ATR: variants seen among roughly 807,000 people sequenced by gnomAD.
ATR encodes the protein ATR checkpoint kinase, also known as serine/threonine-protein kinase ATR.
Under a neutral mutation model 305.3 loss-of-function variants are expected in ATR, and 142 were observed. That is an observed-to-expected ratio of 0.47 (90% CI 0.41 to 0.53). ATR has a LOEUF of 0.53. ATR is among the 20% of genes least tolerant of loss of function. ATR has a pLI of 0.00. For missense variants in ATR, 2,135 were observed against 3,133.1 expected, an observed-to-expected ratio of 0.68 and a Z score of 7.60; for synonymous variants, 1,050 against 1,068.1, an observed-to-expected ratio of 0.98 and a Z score of 0.33.
chr3:142,515,458 TAAGTA>T lies in ATR; in HGVS notation c.4435_4439del (p.Tyr1479LysfsTer2), dbSNP rs1438091909. 31 of 1,613,492 alleles carry T rather than the reference TAAGTA, an allele frequency of 1.9e-5. No individual in the cohort carries two copies. The highest frequency in any genetic ancestry group is 2.6e-5 in the Non-Finnish European group (31 of 1,179,500). On this transcript the variant is annotated frameshift_variant, in exon 25 of 47. Transcript: ENST00000350721. LOFTEE classifies it high-confidence loss of function. ...CTGCAAAGTTACTACCCAATTTACTTAAGTAAATTGGCTTCTTTACTCCAGACCAA... is the reference window on the plus strand; with the variant it reads ...CTGCAAAGTTACTACCCAATTTACTTAATTGGCTTCTTTACTCCAGACCAA...
intron 42 of ATR, among the ~76,000 whole-genome samples, chr3:142,459,851 T>C (rs2070986347): frequency 6.6e-6 from 1 of 152,154 alleles, no homozygotes; most frequent in Admixed American, 6.5e-5. Flanking sequence ...TGAAAATTAA[T>C]GTCAGTTAAA....
intron 24 of ATR, among the ~76,000 whole-genome samples, chr3:142,518,371 GCCAGGCA>G (rs1209441762): frequency 6.6e-6 from 1 of 152,128 alleles, no homozygotes; most frequent in Non-Finnish European, 1.5e-5. Flanking sequence ...ACAAAAAGTA[GCCAGGCA>G]TGGCGGTGCA....
At chr3:142,455,317 GGTTAAGACAGCAATACTCCCAAATT>G (rs1190071439) in intron 45 of ATR, among the ~76,000 whole-genome samples, 1 of 152,034 alleles carries the variant, frequency 6.6e-6, no homozygotes, top group Non-Finnish European at 1.5e-5. Context: ...GACTTAACAT[GGTTAAGACAGCAATACTCCCAAATT>G]GTTAAGACAG....
At chr3:142,560,564 A>ATTT in intron 5 of ATR, 110 bp from the exon 6 acceptor site, 2 of 875,862 alleles carry the variant, frequency 2.3e-6, no homozygotes, top group Non-Finnish European at 3.2e-6. Flanking sequence ...ATTCAAAAAA[A>ATTT]TTTTTTTTTT....
At chr3:142,571,694 T>C (rs1395382077) in intron 1 of ATR, among the ~76,000 whole-genome samples, 2 of 152,202 alleles carry the variant, frequency 1.3e-5, no homozygotes, top group Non-Finnish European at 2.9e-5. Context: ...TTTATTTCTA[T>C]ATAGCACTGT....
intron 8 of ATR, among the ~76,000 whole-genome samples, chr3:142,557,691 G>C (rs936765126): frequency 6.6e-6 from 1 of 152,178 alleles, no homozygotes; most frequent in Non-Finnish European, 1.5e-5. Flanking sequence ...GGAGTGCAGG[G>C]GTGCAATCTT....
At chr3:142,509,325 G>A (rs2032425681) in intron 27 of ATR, among the ~76,000 whole-genome samples, 1 of 151,808 alleles carries the variant, frequency 6.6e-6, no homozygotes, top group African/African-American at 2.4e-5. Flanking sequence ...CACCACGCCT[G>A]GCCAAGTTTT....
chr3:142,477,913 G>C (rs2030023197), intron 36 of ATR, among the ~76,000 whole-genome samples: 1 of 152,204 alleles, frequency 6.6e-6, no homozygotes, highest in Admixed American at 6.5e-5. Context: ...ATGGTAGTTT[G>C]TATTTCTGTG....
chr3:142,566,177 G>A lies in ATR; in HGVS notation c.236C>T (p.Ser79Phe), dbSNP rs2108494163. ...LDFIQHIMKS[S>F]PLMFVNVSGS... ...ACTCACATTTACAAACATAAGTGGG[G>A]AGGATTTCATGATATGCTGGATGAA... Residue 79 changes from serine to phenylalanine, a missense_variant, in exon 3 of 47, where the codon TCC (serine) becomes TTC (phenylalanine). Transcript: ENST00000350721. 1 of 1,614,170 alleles carries A rather than the reference G, an allele frequency of 6.2e-7. No homozygotes were observed. The highest frequency in any genetic ancestry group is 1.1e-5 in the South Asian group (1 of 91,076).
At chr3:142,561,174 A>G (rs1308671079) in intron 5 of ATR, 69 bp downstream of exon 5, 1 of 1,530,790 alleles carries the variant, frequency 6.5e-7, no homozygotes, top group African/African-American at 1.4e-5. Context: ...ACTTAACTAA[A>G]GCTGATTTTT....
intron 39 of ATR, among the ~76,000 whole-genome samples, chr3:142,467,080 T>A (rs2071147430): frequency 6.6e-6 from 1 of 152,136 alleles, no homozygotes; most frequent in African/African-American, 2.4e-5. Flanking sequence ...TAAATGCAGA[T>A]TACCCTTTTG....
Position 142,547,794 on chromosome 3 carries a change from T to C in ATR, c.3288A>G (p.Ile1096Met), listed in dbSNP as rs758605592. The change falls in exon 16 of 47, where the codon ATA (isoleucine) becomes ATG (methionine). Residue 1096 changes from isoleucine to methionine, a missense_variant. Ile to Met is a conservative substitution (Grantham distance 10). Around this residue, in one of 9 missense-constraint regions of ATR, gnomAD observed 530 missense variants for 766.8 expected, o/e 0.69. Coordinates refer to ENST00000350721, the MANE Select transcript of ATR (RefSeq NM_001184.4). ...CATCACTGGATGCAAATGAGGCAAG[T>C]ATTGACAAACCATTAAAAACCTGTT... is the stretch of plus-strand genomic sequence containing the variant. ...HYQQVFNGLSILASFASSDDP... is the reference protein window; with the variant it reads ...HYQQVFNGLSMLASFASSDDP... 6.2e-7 allele frequency: 1 copy of C among 1,613,994 alleles called. No individual in the cohort carries two copies. Among genetic ancestry groups the C allele is most frequent in the Non-Finnish European group, 8.5e-7 (1 of 1,179,922 alleles).
At chr3:142,475,503 G>C (rs1007498466) in intron 36 of ATR, among the ~76,000 whole-genome samples, 3 of 152,244 alleles carry the variant, frequency 2.0e-5, no homozygotes, top group African/African-American at 7.2e-5. Flanking sequence ...ATCATTGTTG[G>C]ACATTTGGGT....
Position 142,522,804 on chromosome 3 carries a change from A to G in ATR, c.4190T>C (p.Leu1397Ser), listed in dbSNP as rs562594343. The G allele has an allele frequency of 6.2e-7, 1 of 1,613,912 alleles. No homozygotes were observed. Among genetic ancestry groups the G allele is most frequent in the Admixed American group, 1.7e-5 (1 of 60,016 alleles). The change falls in exon 23 of 47, where the codon TTG (leucine) becomes TCG (serine). Residue 1397 changes from leucine to serine, a missense_variant. Physicochemically the swap from Leu to Ser is moderately radical, Grantham distance 145 (BLOSUM62 -2). Transcript: ENST00000350721. Reference protein sequence around the residue: ...VEDSSFAYGLLMELTRAYLAY... With the variant: ...VEDSSFAYGLSMELTRAYLAY... Reference sequence around the variant, plus strand: ...AAGGTAAGCTCTTGTTAGCTCCATCAATAATCCATAGGCAAAGCTTGAATC... The same window carrying G: ...AAGGTAAGCTCTTGTTAGCTCCATCGATAATCCATAGGCAAAGCTTGAATC...
At chr3:142,519,298 CATTA>C (rs1209850653) in intron 24 of ATR, among the ~76,000 whole-genome samples, 1 of 151,376 alleles carries the variant, frequency 6.6e-6, no homozygotes, top group African/African-American at 2.4e-5. Flanking sequence ...TCAAAAATCA[CATTA>C]ATTTTTTTTT....
At chr3:142,489,978 A>T (rs1168038954) in intron 35 of ATR, among the ~76,000 whole-genome samples, 1 of 152,188 alleles carries the variant, frequency 6.6e-6, no homozygotes, top group East Asian at 1.9e-4. Context: ...ATGACTAATG[A>T]TGTTAAGCAT....
intron 21 of ATR, among the ~76,000 whole-genome samples, chr3:142,527,036 G>A (rs1432133072): frequency 2.0e-5 from 3 of 152,096 alleles, no homozygotes; most frequent in Non-Finnish European, 2.9e-5. Flanking sequence ...CAATCCATCT[G>A]CCTTGGCCTC....
intron 16 of ATR, among the ~76,000 whole-genome samples, chr3:142,547,449 C>G (rs1440545952): frequency 6.6e-6 from 1 of 152,090 alleles, no homozygotes; most frequent in Non-Finnish European, 1.5e-5. Flanking sequence ...CCACATTTTT[C>G]AATGCTAATA....
At chr3:142,560,221 T>A (rs771051445) in intron 6 of ATR, 42 bp downstream of exon 6, 1 of 1,578,110 alleles carries the variant, frequency 6.3e-7, no homozygotes, top group East Asian at 2.2e-5. Flanking sequence ...TCCAAGTTCA[T>A]TACAGGAAAC....
Sources: allele counts gnomAD v4.1 joint callset (sites outside exome capture counted in the v4.1 genomes callset), GRCh38; gene constraint gnomAD v4.1.1; regional missense constraint gnomAD v4.1.1; transcripts MANE v1.5; gene names NCBI Gene and HGNC (gene_info 2026-07-23, HGNC 2026-07-21).